CHEK1: variants seen among roughly 807,000 people sequenced by gnomAD.
The protein encoded by CHEK1 is serine/threonine-protein kinase Chk1.
CHEK1 carries 32 observed loss-of-function variants against 60.2 expected under a neutral mutation model. The ratio of observed to expected loss-of-function variants is 0.53; its 90% CI spans 0.40 to 0.71. The LOEUF (loss-of-function observed/expected upper bound fraction) is 0.71. CHEK1 is among the 30% of genes least tolerant of loss of function. The pLI, the probability that CHEK1 is intolerant of heterozygous loss-of-function variation, is 0.00. For synonymous variants in CHEK1, 179 were observed against 187.2 expected (o/e 0.96, Z 0.36); for missense variants, 399 against 564.6 (o/e 0.71, Z 2.97).
intron 11 of CHEK1, among the ~76,000 whole-genome samples, chr11:125,652,400 G>A (rs562488450): frequency 2.0e-5 from 3 of 152,292 alleles, no homozygotes; most frequent in South Asian, 2.1e-4. Context: ...TCTAATTGCC[G>A]CTCTAGCTTT....
At chr11:125,654,317 A>C (rs1015048994) in intron 12 of CHEK1, among the ~76,000 whole-genome samples, 2 of 152,148 alleles carry the variant, frequency 1.3e-5, no homozygotes, top group African/African-American at 4.8e-5. Context: ...GTGACAATAC[A>C]AGAGACTCTG....
intron 6 of CHEK1, among the ~76,000 whole-genome samples, chr11:125,634,962 G>GGT (rs1555069336): frequency 6.9e-6 from 1 of 145,814 alleles, no homozygotes; most frequent in African/African-American, 2.5e-5. Context: ...CTGTTTTTTG[G>GGT]TTTTTTTTTT....
chr11:125,628,793 A>G (rs1205957241), intron 3 of CHEK1, among the ~76,000 whole-genome samples: 1 of 152,206 alleles, frequency 6.6e-6, no homozygotes, highest in Non-Finnish European at 1.5e-5. Flanking sequence ...AAAAAAAGTT[A>G]AATTATAAAA....
chr11:125,680,937 C>T, downstream of CHEK1: 5 of 642,212 alleles, frequency 7.8e-6, no homozygotes, highest in Non-Finnish European at 1.3e-5. Context: ...GGGTTGGGCT[C>T]TGAGGTTCTT....
At chr11:125,672,344 A>G (rs1942226402) in intron 13 of CHEK1, 1 of 452,552 alleles carries the variant, frequency 2.2e-6, no homozygotes, top group Admixed American at 3.7e-5. Flanking sequence ...TGCTTTAACC[A>G]TGTGAAATTT....
chr11:125,633,329 A>G lies in CHEK1; in HGVS notation c.591A>G (p.Val197=), dbSNP rs750304152. ...EPVDVWSCGI[V]LTAMLAGELP... The stretch of plus-strand genomic sequence containing the variant: ...TTGATGTTTGGTCCTGTGGAATAGT[A>G]CTTACTGCAATGCTCGCTGGAGGTA... Residue 197 remains valine, a synonymous_variant, in exon 6 of 13, where the codon GTA becomes GTG. Coordinates refer to ENST00000438015, the MANE Select transcript of CHEK1 (RefSeq NM_001114122.3). 16 of 1,570,490 alleles carry G rather than the reference A, an allele frequency of 1.0e-5. No individual in the cohort carries two copies. The highest frequency in any genetic ancestry group is 4.3e-6 in the Non-Finnish European group (5 of 1,165,468).
chr11:125,627,925 T>A, intron 3 of CHEK1, 95 bp downstream of exon 3: 1 of 964,570 alleles, frequency 1.0e-6, no homozygotes. Flanking sequence ...CTTTCAAAAT[T>A]GCTCATGCAA....
rs892092235 is a variant in CHEK1, at chr11:125,625,887, A to T, written c.-146A>T. On this transcript the variant is annotated 5_prime_UTR_variant, in exon 1 of 13. Coordinates refer to ENST00000438015, the MANE Select transcript of CHEK1 (RefSeq NM_001114122.3). ...CCGCCGACATTCAGAGGGGCAGGAC[A>T]CGGGAACGCGCGCTGTCTTGCTTTA... is the stretch of plus-strand genomic sequence containing the variant. The T allele has an allele frequency of 1.3e-5, 9 of 702,536 alleles. No homozygotes were observed. Among genetic ancestry groups the T allele is most frequent in the Non-Finnish European group, 2.3e-5 (9 of 385,020 alleles). 43.5% of individuals were successfully genotyped at this position (702,536 alleles called of 1,614,324 possible).
At position 125,674,363 on chromosome 11, in the gene CHEK1, G is replaced by A. The variant is rs574732600; in HGVS notation, c.*28-1565G>A. On this transcript the variant is annotated intron_variant, in intron 13 of 13. Coordinates refer to the CHEK1 transcript ENST00000428830. Reference sequence around the variant, plus strand: ...AAGGAAATTCTTAGGAAGGAAGTGAGACTGAACTAAGCTATGAAGAATTGT... The same window carrying A: ...AAGGAAATTCTTAGGAAGGAAGTGAAACTGAACTAAGCTATGAAGAATTGT... Among the ~76,000 whole-genome samples the A allele has an allele frequency of 1.6e-4, 25 of 152,306 alleles. No homozygotes were observed. The Middle Eastern group carries it at 0.014, about 83-fold the overall frequency.
chr11:125,637,613 AC>A (rs1309660466), intron 8 of CHEK1, 69 bp downstream of exon 8: 1 of 1,036,866 alleles, frequency 9.6e-7, no homozygotes, highest in Non-Finnish European at 1.5e-6. Flanking sequence ...AGTTATTATC[AC>A]AAGTCAACAA....
At chr11:125,647,032 CTG>C (rs757578805) in intron 11 of CHEK1, among the ~76,000 whole-genome samples, 4 of 151,914 alleles carry the variant, frequency 2.6e-5, no homozygotes, top group South Asian at 2.1e-4. Flanking sequence ...ATTTAAGAAA[CTG>C]TTGCCTGATG....
Position 125,655,382 on chromosome 11 carries a change from C to A in CHEK1, c.*62C>A. ...GTGCTGCTATGTTGACATTATTCTT[C>A]CTAGAGAAGATTATCCTGTCCTGCA... On this transcript the variant is annotated 3_prime_UTR_variant, in exon 13 of 13. Coordinates refer to ENST00000438015, the MANE Select transcript of CHEK1 (RefSeq NM_001114122.3). 8.3e-7 allele frequency: 1 copy of A among 1,206,176 alleles called. No individual in the cohort carries two copies. 74.7% of individuals were successfully genotyped at this position (1,206,176 alleles called of 1,614,324 possible).
intron 13 of CHEK1, among the ~76,000 whole-genome samples, chr11:125,673,524 C>G (rs1045045349): frequency 5.9e-5 from 9 of 152,074 alleles, no homozygotes; most frequent in South Asian, 2.1e-4. Context: ...TTTCTTGATA[C>G]TCTCTGCTTC....
chr11:125,662,553 T>C (rs2136079049), intron 13 of CHEK1, among the ~76,000 whole-genome samples: 1 of 152,358 alleles, frequency 6.6e-6, no homozygotes, highest in Admixed American at 6.5e-5. Flanking sequence ...TGGAGATTCA[T>C]CCAGGTTGTT....
At chr11:125,665,764 A>ATATAGTG (rs1318992893) in intron 13 of CHEK1, among the ~76,000 whole-genome samples, 2 of 151,320 alleles carry the variant, frequency 1.3e-5, no homozygotes, top group African/African-American at 4.9e-5. Flanking sequence ...ATTTTTTGGC[A>ATATAGTG]TATAGTGTTC....
downstream of CHEK1, among the ~76,000 whole-genome samples, chr11:125,660,440 AC>A (rs1317097153): frequency 1.3e-5 from 2 of 152,062 alleles, no homozygotes; most frequent in African/African-American, 4.8e-5. Flanking sequence ...TGCCTAGGCT[AC>A]ACTCAAGCTC....
chr11:125,641,816 C>T (rs1480219029), intron 8 of CHEK1, among the ~76,000 whole-genome samples: 2 of 151,576 alleles, frequency 1.3e-5, no homozygotes, highest in South Asian at 2.1e-4. Context: ...TCTACTGTTA[C>T]CCTATCATTC....
chr11:125,680,709 AG>A, downstream of CHEK1: 1 of 1,609,448 alleles, frequency 6.2e-7, no homozygotes, highest in Non-Finnish European at 8.5e-7. Context: ...ATTTACCTGA[AG>A]CCTAGATCAA....
intron 13 of CHEK1, among the ~76,000 whole-genome samples, chr11:125,673,418 G>A (rs1332122286): frequency 6.6e-6 from 1 of 151,830 alleles, no homozygotes; most frequent in Non-Finnish European, 1.5e-5. Context: ...GGTCAGGCTG[G>A]TCTCGATCTC....
Sources: gnomAD v4.1 joint callset for allele counts (sites outside exome capture counted in the v4.1 genomes callset) on GRCh38, gnomAD v4.1.1 for gene constraint, MANE v1.5 for transcripts, NCBI Gene and HGNC (gene_info 2026-07-23, HGNC 2026-07-21) for gene names.